The following TAF6L variants were observed in gnomAD, a reference collection of about 807,000 sequenced individuals.
TAF6L encodes the protein TAF6-like RNA polymerase II p300/CBP-associated factor-associated factor 65 kDa subunit 6L.
TAF6L carries 34 observed loss-of-function variants against 57.3 expected under a neutral mutation model. The observed-to-expected ratio is 0.59, with a 90% CI of 0.45 to 0.79. TAF6L has a LOEUF of 0.79. Among genes scored for constraint, TAF6L ranks in the 30% least tolerant of loss-of-function variants. TAF6L has a pLI of 0.00. For missense variants in TAF6L, 782 were observed against 853.2 expected, an observed-to-expected ratio of 0.92 and a Z score of 1.04; for synonymous variants, 417 against 376.3, an observed-to-expected ratio of 1.11 and a Z score of -1.25.
chr11:62,779,952 C>CCATATATATATATA (rs1332185092), intron 6 of TAF6L, among the ~76,000 whole-genome samples: 1 of 100,064 alleles, frequency 1.0e-5, no homozygotes, highest in African/African-American at 4.5e-5. Context: ...AGGCGTGAGC[C>CCATATATATATATA]TATATATATA....
intron 9 of TAF6L, among the ~76,000 whole-genome samples, chr11:62,783,408 G>T (rs2084245243): frequency 6.6e-6 from 1 of 152,004 alleles, no homozygotes; most frequent in Non-Finnish European, 1.5e-5. Context: ...CGTGAACCCG[G>T]GAGGCGGAGC....
chr11:62,784,955 G>A (rs1018882250), intron 9 of TAF6L, among the ~76,000 whole-genome samples: 1 of 152,072 alleles, frequency 6.6e-6, no homozygotes, highest in South Asian at 2.1e-4. Flanking sequence ...GAATGATGTG[G>A]GGAGTATTTC....
intron 6 of TAF6L, among the ~76,000 whole-genome samples, chr11:62,781,444 T>C (rs533009981): frequency 5.5e-4 from 83 of 151,938 alleles, no homozygotes; most frequent in African/African-American, 1.5e-3. Context: ...GAGGCTGAGG[T>C]GGGCAGATCA....
intron 6 of TAF6L, chr11:62,781,688 TC>T: frequency 2.1e-6 from 1 of 473,878 alleles, no homozygotes; most frequent in East Asian, 4.1e-5. Flanking sequence ...AGTTGGACAT[TC>T]AGGTTGTATT....
intron 1 of TAF6L, chr11:62,771,765 G>A (rs2084149513): frequency 4.5e-6 from 1 of 222,402 alleles, no homozygotes; most frequent in Middle Eastern, 1.9e-3. Flanking sequence ...GCGGAGGAGA[G>A]GAGGCTGAGG....
At chr11:62,783,053 G>T (rs1447373815) in intron 9 of TAF6L, among the ~76,000 whole-genome samples, 1 of 152,072 alleles carries the variant, frequency 6.6e-6, no homozygotes, top group East Asian at 1.9e-4. Context: ...ATAAATTCCT[G>T]CCCGTTCTAT....
intron 9 of TAF6L, 29 bp downstream of exon 9, chr11:62,782,854 C>G (rs376823361): frequency 6.2e-7 from 1 of 1,608,944 alleles, no homozygotes; most frequent in Non-Finnish European, 8.5e-7. Context: ...CTCACACAGC[C>G]GTAAGAACTC....
intron 9 of TAF6L, among the ~76,000 whole-genome samples, chr11:62,784,647 C>T (rs187832688): frequency 3.7e-4 from 56 of 152,236 alleles, no homozygotes; most frequent in Non-Finnish European, 5.6e-4. Context: ...GGATTTTTAT[C>T]AGATGGTTTT....
Position 62,778,347 on chromosome 11 carries a change from T to G in TAF6L, c.436+12T>G, listed in dbSNP as rs1404390865. On this transcript the variant is annotated intron_variant, in intron 5 of 10. Transcript: ENST00000294168. ...ACCTCAAGGATCGGGTAAGGGGTGA[T>G]GTAGGAAACAGGCTCTTTGGATGAA... 8 of 1,614,090 alleles carry G rather than the reference T, an allele frequency of 5.0e-6. No homozygotes were observed. The highest frequency in any genetic ancestry group is 6.8e-6 in the Non-Finnish European group (8 of 1,179,992).
At position 62,786,973 on chromosome 11, in the gene TAF6L, C is replaced by A; in HGVS notation, c.1546C>A (p.Pro516Thr). 6.9e-7 allele frequency: 1 copy of A among 1,447,132 alleles called. No individual in the cohort carries two copies. The highest frequency in any genetic ancestry group is 2.8e-5 in the Admixed American group (1 of 35,212). 89.6% of individuals were successfully genotyped at this position (1,447,132 alleles called of 1,614,324 possible). ...AGGCGGCCCCGCGTCGGCCTCTGGG[C>A]CCGCCGCCTCTGAGAGCAGGCCCTT... is the stretch of plus-strand genomic sequence containing the variant. ...GGGGPASASGPAASESRPLPR... is the reference protein window; with the variant it reads ...GGGGPASASGTAASESRPLPR... The change falls in exon 11 of 11, where the codon CCC (proline) becomes ACC (threonine). Residue 516 changes from proline (P) to threonine (T), a missense_variant. This residue lies in a region of TAF6L where 483 missense variants were observed against 445.1 expected (regional missense o/e 1.09). Transcript: ENST00000294168.
chr11:62,777,165 A>C (rs2084193947), intron 3 of TAF6L, among the ~76,000 whole-genome samples: 1 of 151,682 alleles, frequency 6.6e-6, no homozygotes, highest in African/African-American at 2.4e-5. Flanking sequence ...AAACAACCAA[A>C]AAAACACAAA....
In TAF6L at chr11:62,787,171, T is replaced by A. The variant is rs2084289940; in HGVS notation, c.1744T>A (p.Phe582Ile). The A allele has an allele frequency of 6.3e-7, 1 of 1,584,174 alleles. No individual in the cohort carries two copies. The highest frequency in any genetic ancestry group is 1.7e-5 in the Admixed American group (1 of 58,524). The stretch of plus-strand genomic sequence containing the variant: ...CCGCGGGCGCCTTTTCCAGACTGCC[T>A]TCCCCGCGCCGTACGGGCCTAGCCC... Reference protein sequence around the residue: ...RCRGRLFQTAFPAPYGPSPAS... With the variant: ...RCRGRLFQTAIPAPYGPSPAS... Residue 582 changes from phenylalanine (F) to isoleucine (I), a missense_variant, in exon 11 of 11, where the codon TTC becomes ATC. Phe to Ile is a conservative substitution (Grantham distance 21). Around this residue, in one of 3 missense-constraint regions of TAF6L, gnomAD observed 483 missense variants for 445.1 expected, o/e 1.09. Transcript: ENST00000294168.
At chr11:62,779,247 T>C (rs752019530) in intron 6 of TAF6L, among the ~76,000 whole-genome samples, 9 of 152,058 alleles carry the variant, frequency 5.9e-5, no homozygotes, top group Non-Finnish European at 8.8e-5. Context: ...CAGGCTGGAG[T>C]GCAGTGGCGC....
chr11:62,783,439 G>A (rs889789477), intron 9 of TAF6L, among the ~76,000 whole-genome samples: 1 of 150,264 alleles, frequency 6.7e-6, no homozygotes, highest in African/African-American at 2.5e-5. Context: ...CCGAGATTGC[G>A]CCACTACACT....
rs563444016 is a variant in TAF6L at position 62,787,308 on chromosome 11, C to A, written c.*12C>A. On this transcript the variant is annotated 3_prime_UTR_variant, in exon 11 of 11. Transcript: ENST00000294168. Reference sequence around the variant, plus strand: ...ACTTGCCGCTCTGAGTCAGTGGCCCCTTCGTTCCTTGTAAATAAATCCCGC... The same window carrying A: ...ACTTGCCGCTCTGAGTCAGTGGCCCATTCGTTCCTTGTAAATAAATCCCGC... 29 of 1,530,746 alleles carry A rather than the reference C, an allele frequency of 1.9e-5. No individual in the cohort carries two copies. In the East Asian group the frequency reaches 6.5e-4, roughly 34 times the overall value. The allele number at this position is 1,530,746 out of a possible 1,614,324, so 94.8% of individuals were successfully genotyped here. A position where few individuals can be genotyped will look rare whatever the true frequency, so the allele number is the denominator to read the frequency against.
intron 9 of TAF6L, among the ~76,000 whole-genome samples, chr11:62,784,838 G>A (rs2084258450): frequency 6.6e-6 from 1 of 152,094 alleles, no homozygotes; most frequent in African/African-American, 2.4e-5. Context: ...TTACTTGTGG[G>A]TCTGCTAAAT....
Position 62,778,957 on chromosome 11 carries a change from G to A in TAF6L, c.525G>A (p.Leu175=). 6.2e-7 allele frequency: 1 copy of A among 1,613,214 alleles called. No homozygotes were observed. The highest frequency in any genetic ancestry group is 8.5e-7 in the Non-Finnish European group (1 of 1,179,484). Residue 175 remains leucine (L), a synonymous_variant, in exon 6 of 11, where the codon CTG becomes CTA. Transcript: ENST00000294168. ...TRAVLGDDPQ[L]MKVALQDLQT... ...CTGTGCTAGGGGATGATCCGCAACT[G>A]ATGAAGGTGAGCGAGTGGGCCCAAG...
intron 10 of TAF6L, 62 bp from the exon 11 acceptor site, chr11:62,786,455 G>T: frequency 1.3e-6 from 2 of 1,595,402 alleles, no homozygotes; most frequent in South Asian, 1.1e-5. Context: ...GCTTACTTTG[G>T]AATATTTGAT....
intron 9 of TAF6L, among the ~76,000 whole-genome samples, chr11:62,783,663 T>C (rs1009284491): frequency 9.9e-5 from 15 of 151,512 alleles, no homozygotes; most frequent in Admixed American, 8.6e-4. Context: ...CCCTCCCGAG[T>C]AGCTGGGATT....
Sources: gnomAD v4.1 joint callset for allele counts (sites outside exome capture counted in the v4.1 genomes callset) on GRCh38, gnomAD v4.1.1 for gene constraint, gnomAD v4.1.1 regional missense constraint, MANE v1.5 for transcripts, NCBI Gene and HGNC (gene_info 2026-07-23, HGNC 2026-07-21) for gene names.